Variants in PARD3B observed in about 807,000 individuals in gnomAD.
The protein encoded by PARD3B is partitioning defective 3 homolog B.
Under a neutral mutation model 130.2 loss-of-function variants are expected in PARD3B, and 103 were observed. The observed-to-expected ratio is 0.79, with a 90% CI of 0.67 to 0.93. The LOEUF (loss-of-function observed/expected upper bound fraction) is 0.93, where lower values mean the gene tolerates loss of function less well. PARD3B is among the 40% of genes least tolerant of loss of function. The pLI is 0.00. For missense variants in PARD3B, 1,609 were observed against 1,499.2 expected, an observed-to-expected ratio of 1.07 and a Z score of -1.21; for synonymous variants, 583 against 553.2, an observed-to-expected ratio of 1.05 and a Z score of -0.76.
intron 20 of PARD3B, among the ~76,000 whole-genome samples, chr2:205,498,973 G>C (rs2095505282): frequency 6.6e-6 from 1 of 152,248 alleles, no homozygotes; most frequent in South Asian, 2.1e-4. Context: ...TGTTTTTGCA[G>C]GTAAGGACTG....
intron 20 of PARD3B, 133 bp from the exon 21 acceptor site, chr2:205,499,763 T>C (rs11687914): frequency 0.55 from 579,984 of 1,058,826 alleles, 163,331 homozygotes; most frequent in Middle Eastern, 0.66. Context: ...ATTTCACCAT[T>C]TTCCTGGCAT....
intron 5 of PARD3B, among the ~76,000 whole-genome samples, chr2:205,110,161 C>T (rs1224646497): frequency 6.6e-6 from 1 of 152,204 alleles, no homozygotes; most frequent in East Asian, 1.9e-4. Context: ...CATACCTCAA[C>T]AAGTGACCTG....
At position 204,641,389 on chromosome 2, in the gene PARD3B, C is replaced by T. The variant is rs539904737; in HGVS notation, c.121-44792C>T. On this transcript the variant is annotated intron_variant, in intron 1 of 22. Coordinates refer to ENST00000406610, the MANE Select transcript of PARD3B (RefSeq NM_001302769.2). ...GTGTCTAGATGGGGCTAAGGGCTCC[C>T]GTGAAGGACTAGTGGGATTAGATGA... Among the ~76,000 whole-genome samples the T allele has an allele frequency of 5.3e-5, 8 of 151,214 alleles. 1 individual carries two copies. The highest frequency in any genetic ancestry group is 1.9e-4 in the African/African-American group (8 of 41,254).
rs72934306 is a variant in PARD3B, at chr2:205,187,396, C to T, written c.2024+1533C>T. 8.5e-5 allele frequency among the ~76,000 whole-genome samples: 13 copies of T among 152,222 alleles called. No individual in the cohort carries two copies. The highest frequency in any genetic ancestry group is 1.6e-4 in the Non-Finnish European group (11 of 68,000). On this transcript the variant is annotated intron_variant, in intron 14 of 22. Transcript: ENST00000406610. The surrounding 1 kb of genome is among the most constrained non-coding windows in gnomAD (Gnocchi z 4.9). The stretch of plus-strand genomic sequence containing the variant: ...ATAGTCAATCTTATTGCAGGGTTTT[C>T]GCAGGTAATACACAGAATGAAACCT...
intron 18 of PARD3B, among the ~76,000 whole-genome samples, chr2:205,379,242 C>T (rs1281619803): frequency 6.6e-6 from 1 of 152,108 alleles, no homozygotes; most frequent in Non-Finnish European, 1.5e-5. Context: ...AAATCCCTGC[C>T]ACCACCAAAA....
chr2:205,002,216 C>T (rs753076789), intron 3 of PARD3B, among the ~76,000 whole-genome samples: 3 of 152,074 alleles, frequency 2.0e-5, no homozygotes, highest in Non-Finnish European at 2.9e-5. Flanking sequence ...AAGTTTTGGC[C>T]GTCTCTCAAA....
At chr2:205,502,972 C>G (rs2050210427) in intron 21 of PARD3B, among the ~76,000 whole-genome samples, 1 of 151,690 alleles carries the variant, frequency 6.6e-6, no homozygotes, top group African/African-American at 2.4e-5. Context: ...TGGTTTCATG[C>G]CTGTCTTCTC....
chr2:205,221,271 C>A (rs2038224057), intron 15 of PARD3B, among the ~76,000 whole-genome samples: 1 of 152,200 alleles, frequency 6.6e-6, no homozygotes, highest in Non-Finnish European at 1.5e-5. Flanking sequence ...CAGTGCAGGG[C>A]TCAGGACTAC....
chr2:205,150,248 T>TGCGC (rs1326918020), intron 10 of PARD3B, among the ~76,000 whole-genome samples: 87 of 119,722 alleles, frequency 7.3e-4, no homozygotes, highest in Middle Eastern at 3.8e-3. Flanking sequence ...TGTGTGTGTG[T>TGCGC]GTGTGCACAC....
At chr2:205,608,121 G>A (rs2055084113) in intron 22 of PARD3B, among the ~76,000 whole-genome samples, 2 of 152,136 alleles carry the variant, frequency 1.3e-5, no homozygotes, top group Admixed American at 6.5e-5. Context: ...AATAGTTAGG[G>A]AAAAGCAGAC....
chr2:204,857,412 A>G (rs746904945), intron 2 of PARD3B, among the ~76,000 whole-genome samples: 8 of 151,936 alleles, frequency 5.3e-5, no homozygotes, highest in African/African-American at 7.2e-5. Flanking sequence ...TTGTTTTCTC[A>G]CCCATTTCTA....
At chr2:204,764,187 C>A (rs1219960274) in intron 2 of PARD3B, among the ~76,000 whole-genome samples, 1 of 152,130 alleles carries the variant, frequency 6.6e-6, no homozygotes, top group East Asian at 1.9e-4. Context: ...TATGAGAAAT[C>A]AGTGAAAGCT....
chr2:204,901,737 TCAAGGGCCA>T (rs1400036107), intron 2 of PARD3B, among the ~76,000 whole-genome samples: 1 of 151,852 alleles, frequency 6.6e-6, no homozygotes, highest in Non-Finnish European at 1.5e-5. Flanking sequence ...TGAGTCTCAC[TCAAGGGCCA>T]CAGTGAGAAC....
At chr2:205,206,594 A>G (rs953851362) in intron 15 of PARD3B, among the ~76,000 whole-genome samples, 4 of 150,672 alleles carry the variant, frequency 2.7e-5, no homozygotes, top group Non-Finnish European at 5.9e-5. Flanking sequence ...TATGTGCCAC[A>G]TTTTCTTAAT....
chr2:205,189,588 TA>T (rs1170775695), intron 14 of PARD3B, among the ~76,000 whole-genome samples: 2 of 152,154 alleles, frequency 1.3e-5, no homozygotes, highest in Non-Finnish European at 2.9e-5. Flanking sequence ...CCTTCAAAAT[TA>T]AAATGTTGTA....
At chr2:204,622,361 C>T (rs1401889808) in intron 1 of PARD3B, among the ~76,000 whole-genome samples, 1 of 152,148 alleles carries the variant, frequency 6.6e-6, no homozygotes, top group Non-Finnish European at 1.5e-5. Context: ...TCCCACGATA[C>T]CCTCATTGTC....
At chr2:205,357,604 G>C (rs2044242096) in intron 18 of PARD3B, among the ~76,000 whole-genome samples, 1 of 152,028 alleles carries the variant, frequency 6.6e-6, no homozygotes, top group African/African-American at 2.4e-5. Flanking sequence ...AGATTCTGAA[G>C]TTTTGGAACG....
intron 1 of PARD3B, among the ~76,000 whole-genome samples, chr2:204,642,336 GCTTTT>G (rs2035105940): frequency 3.3e-5 from 5 of 152,170 alleles, no homozygotes; most frequent in Admixed American, 3.3e-4. Flanking sequence ...GCTTGGGTAG[GCTTTT>G]ACCATGCTGT....
rs931939946 is a variant in PARD3B, at chr2:205,525,102, A to T, written c.3180+25071A>T. 6.6e-6 allele frequency among the ~76,000 whole-genome samples: 1 copy of T among 152,200 alleles called. No homozygotes were observed. The highest frequency in any genetic ancestry group is 1.9e-4 in the East Asian group (1 of 5,192). Reference sequence around the variant, plus strand: ...ATTGCCTCACAAAGGCTATTTTCTTAGCTGCAACTTTCTTATTCACACACA... The same window carrying T: ...ATTGCCTCACAAAGGCTATTTTCTTTGCTGCAACTTTCTTATTCACACACA... On this transcript the variant is annotated intron_variant, in intron 21 of 22. Coordinates refer to ENST00000406610, the MANE Select transcript of PARD3B (RefSeq NM_001302769.2). The surrounding 1 kb of genome is among the most constrained non-coding windows in gnomAD (Gnocchi z 4.2).
Sources: allele counts gnomAD v4.1 joint callset (sites outside exome capture counted in the v4.1 genomes callset), GRCh38; gene constraint gnomAD v4.1.1; non-coding constraint Gnocchi (gnomAD v3.1); transcripts MANE v1.5; gene names NCBI Gene and HGNC (gene_info 2026-07-23, HGNC 2026-07-21).